CAPN7: variants seen among roughly 807,000 people sequenced by gnomAD.
The protein encoded by CAPN7 is calpain-7.
Under a neutral mutation model 115.2 loss-of-function variants are expected in CAPN7, and 72 were observed. That is an observed-to-expected ratio of 0.63 (90% confidence interval 0.52 to 0.76). The LOEUF is 0.76. Among genes scored for constraint, CAPN7 ranks in the 30% least tolerant of loss-of-function variants. The pLI is 0.00. For synonymous variants in CAPN7, 344 were observed against 322.3 expected, an observed-to-expected ratio of 1.07 and a Z score of -0.72; for missense variants, 905 against 971.5, an observed-to-expected ratio of 0.93 and a Z score of 0.91.
rs752572874 is a variant in CAPN7 at position 15,230,487 on chromosome 3, A to G, written c.984A>G (p.Pro328=). 3 of 1,613,182 alleles carry G rather than the reference A, an allele frequency of 1.9e-6. No homozygotes were observed. The highest frequency in any genetic ancestry group is 2.5e-6 in the Non-Finnish European group (3 of 1,179,372). ...QNKDGEPEYN[P]CGKYMVKLHL... ...AGGATGGTGAACCAGAATACAATCC[A>G]TGTGGGAAGTATATGGTAAAACTTC... Residue 328 remains proline, a synonymous_variant, in exon 9 of 21, where the codon CCA becomes CCG. Coordinates refer to ENST00000253693, the MANE Select transcript of CAPN7 (RefSeq NM_014296.3).
chr3:15,246,694 G>A (rs776203277), intron 17 of CAPN7, 38 bp from the exon 18 acceptor site: 82 of 1,372,516 alleles, frequency 6.0e-5, no homozygotes, highest in Non-Finnish European at 8.2e-5. Context: ...GTTCTTGTAA[G>A]TGTAAAATTT....
chr3:15,233,264 G>C (rs1233031545), intron 10 of CAPN7, among the ~76,000 whole-genome samples: 1 of 152,146 alleles, frequency 6.6e-6, no homozygotes, highest in Non-Finnish European at 1.5e-5. Context: ...AAAATGAAGT[G>C]ACATATGCAA....
chr3:15,242,923 TGAACAAAACA>T, intron 16 of CAPN7, among the ~76,000 whole-genome samples: 1 of 152,322 alleles, frequency 6.6e-6, no homozygotes, highest in South Asian at 2.1e-4. Flanking sequence ...AGAATAGTGA[TGAACAAAACA>T]GGATTCTGCT....
chr3:15,246,591 A>T, intron 17 of CAPN7, 141 bp from the exon 18 acceptor site: 3 of 642,798 alleles, frequency 4.7e-6, no homozygotes, highest in Non-Finnish European at 8.3e-6. Flanking sequence ...TTCCCAGCTC[A>T]TTAAACCTGA....
chr3:15,232,563 G>A lies in CAPN7; in HGVS notation c.1077G>A (p.Leu359=). 1 of 1,612,246 alleles carries A rather than the reference G, an allele frequency of 6.2e-7. No individual in the cohort carries two copies. The highest frequency in any genetic ancestry group is 2.2e-5 in the East Asian group (1 of 44,706). ...DQLPVDHKGE[L]LCSYSNNKSE... is the part of the protein sequence containing the mutation. ...TACCTGTTGATCACAAGGGAGAATTGCTCTGTTCTTATTCCAACAACAAAA... is the reference window on the plus strand; with the variant it reads ...TACCTGTTGATCACAAGGGAGAATTACTCTGTTCTTATTCCAACAACAAAA... The change falls in exon 10 of 21, where the codon TTG becomes TTA. Residue 359 remains leucine (L), a synonymous_variant. Transcript: ENST00000253693.
rs754708211 is a variant in CAPN7, at chr3:15,235,110, C to T, written c.1372C>T (p.His458Tyr). 1 of 1,613,038 alleles carries T rather than the reference C, an allele frequency of 6.2e-7. No homozygotes were observed. Among genetic ancestry groups the T allele is most frequent in the East Asian group, 2.2e-5 (1 of 44,866 alleles). Reference sequence around the variant, plus strand: ...AGAGAAGTGGGGTCTGGTTCCCACACACGCATATGCTGTTTTGGATATTAG... The same window carrying T: ...AGAGAAGTGGGGTCTGGTTCCCACATACGCATATGCTGTTTTGGATATTAG... ...EGEKWGLVPT[H>Y]AYAVLDIREF... The change falls in exon 12 of 21, where the codon CAC (histidine) becomes TAC (tyrosine). Residue 458 changes from histidine to tyrosine, a missense_variant. Physicochemically the swap from His to Tyr is moderately conservative, Grantham distance 83 (BLOSUM62 2). This residue lies in a region of CAPN7 where 620 missense variants were observed against 703.4 expected (regional missense o/e 0.88). Coordinates refer to ENST00000253693, the MANE Select transcript of CAPN7 (RefSeq NM_014296.3).
At chr3:15,247,518 CA>C in intron 19 of CAPN7, 61 bp downstream of exon 19, 1 of 1,420,326 alleles carries the variant, frequency 7.0e-7, no homozygotes, top group Non-Finnish European at 9.5e-7. Flanking sequence ...CATAGTATAA[CA>C]AAAAAGTTTA....
At chr3:15,209,238 G>A (rs11918309) in intron 1 of CAPN7, among the ~76,000 whole-genome samples, 17,268 of 152,080 alleles carry the variant, frequency 0.11, 3,267 homozygotes, top group African/African-American at 0.39. Flanking sequence ...TCAAACTCCC[G>A]ACCTCAGGTG....
chr3:15,206,725 C>T lies in CAPN7; in HGVS notation c.102+128C>T, dbSNP rs369095844. ...CTTTGCTTTTCCCTCGTCCGCCTCC[C>T]GGCCCTCCTCTTGTTGGGAGCGGCA... On this transcript the variant is annotated intron_variant, in intron 1 of 20. Transcript: ENST00000253693. The T allele has an allele frequency of 2.0e-4, 135 of 662,736 alleles. No homozygotes were observed. The East Asian group carries it at 4.0e-3, about 20-fold the overall frequency. The allele number at this position is 662,736 out of a possible 1,614,324, so 41.1% of individuals were successfully genotyped here.
intron 19 of CAPN7, among the ~76,000 whole-genome samples, chr3:15,247,748 T>C (rs1192819591): frequency 2.0e-5 from 3 of 151,524 alleles, no homozygotes; most frequent in Non-Finnish European, 4.4e-5. Context: ...GCAGGAAATG[T>C]TTTAACCTCA....
intron 4 of CAPN7, among the ~76,000 whole-genome samples, 171 bp downstream of exon 4, chr3:15,218,711 C>T (rs1309713783): frequency 2.6e-5 from 4 of 152,206 alleles, no homozygotes; most frequent in African/African-American, 4.8e-5. Context: ...CTCTAGTTCC[C>T]TGCTTTAAAC....
intron 1 of CAPN7, among the ~76,000 whole-genome samples, chr3:15,207,024 G>A (rs1350015881): frequency 6.6e-6 from 1 of 152,238 alleles, no homozygotes; most frequent in African/African-American, 2.4e-5. Flanking sequence ...CATAGCATTT[G>A]ACATACAGTC....
At position 15,248,183 on chromosome 3, in the gene CAPN7, T is replaced by A. The variant is rs537070730; in HGVS notation, c.2204+726T>A. Among the ~76,000 whole-genome samples, 542 of 151,054 alleles carry A rather than the reference T, an allele frequency of 3.6e-3. 4 individuals carry two copies. Among genetic ancestry groups the A allele is most frequent in the African/African-American group, 0.012 (483 of 41,190 alleles). ...TAAAACTTAAAGTATAATAAAAAAA[T>A]AAATAAATAAATAAAAATAAAAAAA... On this transcript the variant is annotated intron_variant, in intron 19 of 20. Coordinates refer to ENST00000253693, the MANE Select transcript of CAPN7 (RefSeq NM_014296.3).
At chr3:15,207,460 C>T (rs1302070303) in intron 1 of CAPN7, among the ~76,000 whole-genome samples, 1 of 152,118 alleles carries the variant, frequency 6.6e-6, no homozygotes, top group African/African-American at 2.4e-5. Context: ...CCTTAGGCTA[C>T]GCTAAATTTT....
At chr3:15,232,308 C>A (rs2124961749) in intron 9 of CAPN7, 1 of 442,106 alleles carries the variant, frequency 2.3e-6, no homozygotes, top group Admixed American at 4.3e-5. Context: ...AGGTTATCAT[C>A]TGACAGATTA....
At chr3:15,223,154 A>G (rs758267184) in intron 5 of CAPN7, among the ~76,000 whole-genome samples, 10 of 152,140 alleles carry the variant, frequency 6.6e-5, no homozygotes, top group Non-Finnish European at 1.3e-4. Context: ...AACTTAAGCA[A>G]TTGATTTCTC....
chr3:15,222,308 A>G (rs964172878), intron 5 of CAPN7, among the ~76,000 whole-genome samples: 1 of 152,336 alleles, frequency 6.6e-6, no homozygotes, highest in African/African-American at 2.4e-5. Context: ...GTGAAACACA[A>G]TAATGTGGAA....
chr3:15,224,079 A>G (rs150252247), intron 6 of CAPN7, among the ~76,000 whole-genome samples: 78 of 152,348 alleles, frequency 5.1e-4, no homozygotes, highest in Non-Finnish European at 1.0e-3. Context: ...GATGTACATA[A>G]TAAGGACACT....
chr3:15,252,313 G>GT lies in CAPN7; in HGVS notation c.*1056dup, dbSNP rs1696038340. On this transcript the variant is annotated 3_prime_UTR_variant, in exon 21 of 21. Transcript: ENST00000253693. ...TGTTTATACTTACGGATATTGCATA[G>GT]TTTAAGTTAGATTTATTGAAAGATT... 1 of 152,572 alleles carries GT rather than the reference G, an allele frequency of 6.6e-6. No homozygotes were observed. Among genetic ancestry groups the GT allele is most frequent in the African/African-American group, 2.4e-5 (1 of 41,430 alleles). 9.5% of individuals were successfully genotyped at this position (152,572 alleles called of 1,614,324 possible). A position where few individuals can be genotyped will look rare whatever the true frequency, so the allele number is the denominator to read the frequency against.
Sources: gnomAD v4.1 joint callset for allele counts (sites outside exome capture counted in the v4.1 genomes callset) on GRCh38, gnomAD v4.1.1 for gene constraint, gnomAD v4.1.1 regional missense constraint, MANE v1.5 for transcripts, NCBI Gene and HGNC (gene_info 2026-07-23, HGNC 2026-07-21) for gene names.